The following TENM1 variants were observed in gnomAD, a reference collection of about 807,000 sequenced individuals.
The protein encoded by TENM1 is teneurin-1.
TENM1 carries 35 observed loss-of-function variants against 174.8 expected under a neutral mutation model. The observed-to-expected ratio is 0.20, with a 90% CI of 0.15 to 0.27. TENM1 has a LOEUF of 0.27. Ranked by LOEUF, TENM1 falls within the 10% of genes least tolerant of loss-of-function variation. The pLI, the probability that TENM1 is intolerant of heterozygous loss-of-function variation, is 1.00. For synonymous variants in TENM1, 781 were observed against 798.7 expected (o/e 0.98, Z 0.37); for missense variants, 1,633 against 2,130.1 (o/e 0.77, Z 4.59).
the TENM1 span, among the ~76,000 whole-genome samples, chrX:124,981,871 A>T: frequency 1.2e-5 from 1 of 82,155 alleles, no homozygotes; most frequent in Non-Finnish European, 2.2e-5. Flanking sequence ...AAGCAAAAAC[A>T]GGTGCAGCGC....
intron 3 of TENM1, among the ~76,000 whole-genome samples, chrX:124,860,763 C>T (rs981484982): frequency 4.5e-5 from 5 of 111,521 alleles, no homozygotes; most frequent in African/African-American, 1.6e-4. Flanking sequence ...CCAACCGCTT[C>T]GTTGGAGGCA....
intron 23 of TENM1, among the ~76,000 whole-genome samples, chrX:124,452,479 T>C (rs1255414396): frequency 8.9e-6 from 1 of 111,877 alleles, no homozygotes; most frequent in African/African-American, 3.3e-5. Flanking sequence ...CTCAGGGATC[T>C]AGAACTAGAA....
At chrX:124,465,698 C>T (rs1053326799) in intron 22 of TENM1, among the ~76,000 whole-genome samples, 5 of 110,564 alleles carry the variant, frequency 4.5e-5, no homozygotes, top group Admixed American at 1.9e-4. Context: ...CACTTCTTCC[C>T]TGTTCTCATT....
intron 3 of TENM1, among the ~76,000 whole-genome samples, chrX:124,849,313 A>G (rs1265205889): frequency 9.0e-6 from 1 of 111,399 alleles, no homozygotes; most frequent in Non-Finnish European, 1.9e-5. Context: ...ATTATAATCA[A>G]TAGAATACAG....
intron 3 of TENM1, among the ~76,000 whole-genome samples, chrX:124,826,645 A>G (rs1238963100): frequency 8.9e-6 from 1 of 111,740 alleles, no homozygotes; most frequent in Non-Finnish European, 1.9e-5. Context: ...CTGCAAGCAA[A>G]TAAGCCAAAA....
At chrX:124,670,156 C>T (rs2051885293) in intron 6 of TENM1, among the ~76,000 whole-genome samples, 1 of 111,869 alleles carries the variant, frequency 8.9e-6, no homozygotes, top group Admixed American at 9.5e-5. Context: ...TCATCATCAA[C>T]TTACTTTATG....
At chrX:124,382,524 T>C in intron 31 of TENM1, 146 bp downstream of exon 34, 1 of 527,862 alleles carries the variant, frequency 1.9e-6, no homozygotes. Flanking sequence ...GAGCTTTTTT[T>C]ATACCTTCTC....
intron 3 of TENM1, among the ~76,000 whole-genome samples, chrX:124,738,842 A>C (rs2053737880): frequency 8.9e-6 from 1 of 112,111 alleles, no homozygotes; most frequent in Non-Finnish European, 1.9e-5. Context: ...AAATGAGAAA[A>C]CAAGTCCAGG....
intron 3 of TENM1, among the ~76,000 whole-genome samples, chrX:124,832,143 G>A (rs1310905585): frequency 9.0e-6 from 1 of 111,578 alleles, no homozygotes; most frequent in Non-Finnish European, 1.9e-5. Context: ...CTCTTTTAAT[G>A]CAACTCTTGC....
At chrX:124,901,635 A>C (rs1263097777) in intron 1 of TENM1, among the ~76,000 whole-genome samples, 1 of 110,739 alleles carries the variant, frequency 9.0e-6, no homozygotes, top group Non-Finnish European at 1.9e-5. Context: ...GCACCACCAC[A>C]CACAGATAAT....
intron 30 of TENM1, 79 bp downstream of exon 33, chrX:124,383,555 A>T: frequency 1.1e-6 from 1 of 890,566 alleles, no homozygotes. Flanking sequence ...CATATTTACA[A>T]AGGCATTGAG....
intron 3 of TENM1, among the ~76,000 whole-genome samples, chrX:124,783,643 A>G (rs2054969760): frequency 8.9e-6 from 1 of 111,855 alleles, no homozygotes; most frequent in Non-Finnish European, 1.9e-5. Flanking sequence ...GAGAGTGAAC[A>G]AAAGAAGCAG....
chrX:124,583,562 T>C (rs2049393863), intron 11 of TENM1, among the ~76,000 whole-genome samples: 1 of 109,863 alleles, frequency 9.1e-6, no homozygotes, highest in Non-Finnish European at 1.9e-5. Flanking sequence ...AGACCAAAAG[T>C]AGATAAAACC....
the TENM1 span, among the ~76,000 whole-genome samples, chrX:125,007,249 G>A: frequency 1.6e-4 from 18 of 110,765 alleles, no homozygotes; most frequent in African/African-American, 5.9e-4. Context: ...ATCAATAGCC[G>A]GACTGATCAA....
chrX:124,385,581 T>TG, intron 29 of TENM1, 96 bp downstream of exon 32: 2 of 838,116 alleles, frequency 2.4e-6, no homozygotes, highest in African/African-American at 4.0e-5. Flanking sequence ...GTTGAATGTG[T>TG]GTAGATTAAT....
the TENM1 span, among the ~76,000 whole-genome samples, chrX:125,065,944 T>C: frequency 9.0e-6 from 1 of 111,334 alleles, no homozygotes; most frequent in Non-Finnish European, 1.9e-5. Context: ...GTACCTGGAG[T>C]CTGTGTTCAA....
At chrX:124,517,075 T>C (rs1045776249) in intron 18 of TENM1, among the ~76,000 whole-genome samples, 41 of 111,104 alleles carry the variant, frequency 3.7e-4, no homozygotes, top group African/African-American at 1.3e-3. Context: ...GCATGTTCTC[T>C]CTTATAAGTG....
chrX:124,767,487 G>T (rs2054561378), intron 3 of TENM1, among the ~76,000 whole-genome samples: 1 of 111,103 alleles, frequency 9.0e-6, no homozygotes, highest in African/African-American at 3.3e-5. Context: ...ATTTACTTGG[G>T]CAAATGCAAA....
At chrX:124,795,730 C>T (rs950437081) in intron 3 of TENM1, among the ~76,000 whole-genome samples, 10 of 108,508 alleles carry the variant, frequency 9.2e-5, no homozygotes, top group Admixed American at 2.0e-4. Context: ...TAAATTTAGG[C>T]GGTGGTTTCT....
Sources: allele counts gnomAD v4.1 joint callset (sites outside exome capture counted in the v4.1 genomes callset), GRCh38; gene constraint gnomAD v4.1.1; transcripts MANE v1.5; gene names NCBI Gene and HGNC (gene_info 2026-07-23, HGNC 2026-07-21).